GGA3: variants seen among roughly 807,000 people sequenced by gnomAD.
GGA3 encodes the protein golgi associated, gamma adaptin ear containing, ARF binding protein 3.
GGA3 carries 57 observed loss-of-function variants against 77.5 expected under a neutral mutation model. The ratio of observed to expected loss-of-function variants is 0.74; its 90% confidence interval spans 0.59 to 0.92. GGA3 has a LOEUF of 0.92. Among genes scored for constraint, GGA3 ranks in the 40% least tolerant of loss-of-function variants. GGA3 has a pLI of 0.00. For missense variants in GGA3, 970 were observed against 914.9 expected (o/e 1.06, Z -0.78); for synonymous variants, 416 against 383.7 (o/e 1.08, Z -0.98).
intron 1 of GGA3, among the ~76,000 whole-genome samples, chr17:75,255,752 G>A (rs1201285123): frequency 6.6e-6 from 1 of 152,108 alleles, no homozygotes; most frequent in Non-Finnish European, 1.5e-5. Context: ...TCCACCCCAT[G>A]GTACCAAACC....
intron 1 of GGA3, among the ~76,000 whole-genome samples, chr17:75,254,158 A>T (rs2077063792): frequency 6.6e-6 from 1 of 151,990 alleles, no homozygotes; most frequent in Non-Finnish European, 1.5e-5. Context: ...CCTCAGTCCC[A>T]ACCCCAAGTG....
chr17:75,249,287 C>G (rs1363180021), intron 1 of GGA3, among the ~76,000 whole-genome samples: 1 of 152,198 alleles, frequency 6.6e-6, no homozygotes, highest in Non-Finnish European at 1.5e-5. Flanking sequence ...GAGGTCAAGA[C>G]CAGCCCTGGC....
chr17:75,253,338 T>C (rs2077035459), intron 1 of GGA3, among the ~76,000 whole-genome samples: 1 of 152,256 alleles, frequency 6.6e-6, no homozygotes, highest in African/African-American at 2.4e-5. Context: ...AGACACGTTT[T>C]ATCCGTGGAC....
chr17:75,243,429 G>A lies in GGA3; in HGVS notation c.424+18C>T, dbSNP rs780226322. On this transcript the variant is annotated intron_variant, in intron 5 of 16. Coordinates refer to ENST00000537686, the MANE Select transcript of GGA3 (RefSeq NM_138619.4). ...CCTTCGAGGGCTGCCTGGAGGCTGC[G>A]GGCAGGCAGACACGTACCCTGTCTC... 5.6e-6 allele frequency: 9 copies of A among 1,613,604 alleles called. No homozygotes were observed. The highest frequency in any genetic ancestry group is 2.2e-5 in the East Asian group (1 of 44,904).
chr17:75,244,373 G>A (rs1449307991), intron 4 of GGA3: 3 of 452,662 alleles, frequency 6.6e-6, no homozygotes, highest in Non-Finnish European at 1.2e-5. Context: ...CCCTCACCCT[G>A]GACAAACACA....
At chr17:75,244,487 C>T in intron 4 of GGA3, 132 bp downstream of exon 4, 2 of 708,456 alleles carry the variant, frequency 2.8e-6, no homozygotes. Context: ...CAGGGCCTAG[C>T]TCTCTAAGGA....
rs763386275 is a variant in GGA3 at position 75,239,075 on chromosome 17, G to A, written c.1789C>T (p.Leu597Phe). 32 of 1,612,830 alleles carry A rather than the reference G, an allele frequency of 2.0e-5. No individual in the cohort carries two copies. Among genetic ancestry groups the A allele is most frequent in the Non-Finnish European group, 2.7e-5 (32 of 1,179,816 alleles). Reference sequence around the variant, plus strand: ...TTTTTATCGTAGGCTGTCACAGGAAGGGCACTGCCTGTAAGAACGTGACGT... The same window carrying A: ...TTTTTATCGTAGGCTGTCACAGGAAAGGCACTGCCTGTAAGAACGTGACGT... ...PLESIKPSSA[L>F]PVTAYDKNGF... The change falls in exon 15 of 17, where the codon CTT becomes TTT. Residue 597 changes from leucine to phenylalanine, a missense_variant. Transcript: ENST00000537686.
chr17:75,251,450 G>T (rs578245101), intron 1 of GGA3, among the ~76,000 whole-genome samples: 3 of 151,952 alleles, frequency 2.0e-5, no homozygotes, highest in African/African-American at 7.3e-5. Flanking sequence ...GCTCACACCC[G>T]CAATCCCAGC....
At chr17:75,250,729 T>C (rs953242962) in intron 1 of GGA3, among the ~76,000 whole-genome samples, 4 of 130,140 alleles carry the variant, frequency 3.1e-5, no homozygotes, top group Admixed American at 2.7e-4. Context: ...ACCACTGCAC[T>C]CCAGCCTGGG....
chr17:75,246,823 A>T (rs1382498587), intron 1 of GGA3, 27 bp from the exon 2 acceptor site: 1 of 1,567,158 alleles, frequency 6.4e-7, no homozygotes, highest in Non-Finnish European at 8.7e-7. Context: ...GAAGAGGACA[A>T]GTGTTAGGAA....
Position 75,238,256 on chromosome 17 carries a change from G to T in GGA3, c.*23C>A. 1 of 1,608,902 alleles carries T rather than the reference G, an allele frequency of 6.2e-7. No individual in the cohort carries two copies. The highest frequency in any genetic ancestry group is 1.3e-5 in the African/African-American group (1 of 74,936). On this transcript the variant is annotated 3_prime_UTR_variant, in exon 17 of 17. Transcript: ENST00000537686. ...AGGGCAGCCTGCCTGGCTTCAAGGT[G>T]GAGATCACAGCGTCCTCTGGGGTCA...
intron 1 of GGA3, among the ~76,000 whole-genome samples, chr17:75,255,282 CTCTT>C (rs2077105375): frequency 6.6e-6 from 1 of 152,052 alleles, no homozygotes; most frequent in South Asian, 2.1e-4. Context: ...TTAGACAATA[CTCTT>C]TTAAGCACTC....
At chr17:75,244,577 C>CA (rs2076689988) in intron 4 of GGA3, 42 bp downstream of exon 4, 1 of 1,220,018 alleles carries the variant, frequency 8.2e-7, no homozygotes, top group African/African-American at 1.5e-5. Flanking sequence ...GGAATGAACA[C>CA]AAAAGAAGTC....
Position 75,239,420 on chromosome 17 carries a change from G to A in GGA3, c.1735C>T (p.Leu579Phe). The change falls in exon 14 of 17, where the codon CTC (leucine) becomes TTC (phenylalanine). Residue 579 changes from leucine to phenylalanine, a missense_variant. Transcript: ENST00000537686. ...SQGSPPKGPE[L>F]SLASIHVPLE... ...GGCACGTGGATGCTGGCCAGGGAGA[G>A]CTCAGGCCCCTTCGGGGGGCTGCCC... The A allele has an allele frequency of 6.4e-7, 1 of 1,574,718 alleles. No individual in the cohort carries two copies. The highest frequency in any genetic ancestry group is 8.6e-7 in the Non-Finnish European group (1 of 1,167,620).
At chr17:75,253,979 G>A (rs1270057435) in intron 1 of GGA3, among the ~76,000 whole-genome samples, 6 of 152,050 alleles carry the variant, frequency 3.9e-5, no homozygotes, top group Non-Finnish European at 7.4e-5. Flanking sequence ...GCCAGAAAAC[G>A]GCACTTTCGA....
chr17:75,237,655 C>G lies in GGA3; in HGVS notation c.*624G>C. 6.7e-7 allele frequency: 1 copy of G among 1,498,594 alleles called. No individual in the cohort carries two copies. Among genetic ancestry groups the G allele is most frequent in the Non-Finnish European group, 8.9e-7 (1 of 1,126,198 alleles). The allele number at this position is 1,498,594 out of a possible 1,614,324, so 92.8% of individuals were successfully genotyped here. A position where few individuals can be genotyped will look rare whatever the true frequency, so the allele number is the denominator to read the frequency against. ...GGACACAGCCTGCCACTGCCAGGGA[C>G]AAGCACACAACTCATCACTCCGTGG... is the stretch of plus-strand genomic sequence containing the variant. On this transcript the variant is annotated 3_prime_UTR_variant, in exon 17 of 17. Coordinates refer to ENST00000537686, the MANE Select transcript of GGA3 (RefSeq NM_138619.4).
At chr17:75,248,974 G>A (rs1370243495) in intron 1 of GGA3, 2 of 985,180 alleles carry the variant, frequency 2.0e-6, no homozygotes, top group East Asian at 1.1e-4. Flanking sequence ...TTCCCAGGTC[G>A]GGGCTCGGCC....
At chr17:75,244,213 C>T (rs960305907) in intron 4 of GGA3, among the ~76,000 whole-genome samples, 9 of 152,138 alleles carry the variant, frequency 5.9e-5, no homozygotes, top group African/African-American at 1.9e-4. Flanking sequence ...CCCAGAGCTG[C>T]GCCACACCAG....
intron 8 of GGA3, 148 bp downstream of exon 8, chr17:75,242,188 T>C (rs1287613929): frequency 2.4e-6 from 2 of 821,298 alleles, no homozygotes; most frequent in South Asian, 3.1e-5. Flanking sequence ...TCTACTGACG[T>C]GGCTGCTGTG....
Sources: allele counts gnomAD v4.1 joint callset (sites outside exome capture counted in the v4.1 genomes callset), GRCh38; gene constraint gnomAD v4.1.1; transcripts MANE v1.5; gene names NCBI Gene and HGNC (gene_info 2026-07-23, HGNC 2026-07-21).